The following NGF variants were observed in gnomAD, a reference collection of about 807,000 sequenced individuals.
The protein encoded by NGF is nerve growth factor.
In NGF, 4 loss-of-function variants were observed where a neutral mutation model predicts 12.8. The ratio of observed to expected loss-of-function variants is 0.31; its 90% CI spans 0.15 to 0.72. The LOEUF is 0.72. NGF is among the 30% of genes least tolerant of loss of function. The probability of loss-of-function intolerance (pLI) is 0.69; values close to 1 mark genes in which losing one functional copy is unlikely to be tolerated. For missense variants in NGF, 283 were observed against 330.8 expected (o/e 0.86, Z 1.12); for synonymous variants, 140 against 130.0 (o/e 1.08, Z -0.52).
At chr1:115,334,055 A>G (rs563785536) in intron 1 of NGF, among the ~76,000 whole-genome samples, 6 of 152,296 alleles carry the variant, frequency 3.9e-5, no homozygotes, top group Admixed American at 2.6e-4. Flanking sequence ...CTTGAAGCAG[A>G]GGTGAGAATA....
At chr1:115,303,004 C>T (rs1654088414) in intron 1 of NGF, among the ~76,000 whole-genome samples, 1 of 152,128 alleles carries the variant, frequency 6.6e-6, no homozygotes, top group Non-Finnish European at 1.5e-5. Flanking sequence ...TTTCCACAGA[C>T]CTGATTCCTG....
At chr1:115,301,925 GAGAATAC>G (rs1183003734) in intron 1 of NGF, among the ~76,000 whole-genome samples, 1 of 152,176 alleles carries the variant, frequency 6.6e-6, no homozygotes, top group East Asian at 1.9e-4. Flanking sequence ...GAATCACAAG[GAGAATAC>G]AACATGGATG....
Position 115,286,616 on chromosome 1 carries a change from A to G in NGF, c.180T>C (p.Ala60=), listed in dbSNP as rs779189568. 1 of 1,614,206 alleles carries G rather than the reference A, an allele frequency of 6.2e-7. No individual in the cohort carries two copies. Among genetic ancestry groups the G allele is most frequent in the East Asian group, 2.2e-5 (1 of 44,868 alleles). Residue 60 remains alanine, a synonymous_variant, in exon 3 of 3, where the codon GCT becomes GCC. Coordinates refer to ENST00000369512, the MANE Select transcript of NGF (RefSeq NM_002506.3). The stretch of plus-strand genomic sequence containing the variant: ...TGCGGGTCTGCCCCGCCACGCGTGC[A>G]GCTATCGCCGCTGCCGGGGCGCTGC... ...RARSAPAAAI[A]ARVAGQTRNI... is the part of the protein sequence containing the mutation.
chr1:115,286,181 G>A lies in NGF; in HGVS notation c.615C>T (p.His205=). 1 of 1,614,150 alleles carries A rather than the reference G, an allele frequency of 6.2e-7. No homozygotes were observed. ...KHWNSYCTTT[H]TFVKALTMDG... Reference sequence around the variant, plus strand: ...CCATGGTCAGCGCCTTGACAAAGGTGTGAGTCGTGGTACAATATGAGTTCC... The same window carrying A: ...CCATGGTCAGCGCCTTGACAAAGGTATGAGTCGTGGTACAATATGAGTTCC... Residue 205 remains histidine (H), a synonymous_variant, in exon 3 of 3, where the codon CAC becomes CAT. Coordinates refer to ENST00000369512, the MANE Select transcript of NGF (RefSeq NM_002506.3).
At chr1:115,297,394 T>C (rs562659153) in intron 1 of NGF, among the ~76,000 whole-genome samples, 65 of 152,272 alleles carry the variant, frequency 4.3e-4, no homozygotes, top group African/African-American at 1.5e-3. Context: ...GCCAAAGTTA[T>C]GTTGTGGGCT....
rs1364127314 is a variant in NGF, at chr1:115,337,256, G to GTTTTTT, written c.-137+947_-137+948insAAAAAA. Reference sequence around the variant, plus strand: ...CCTTAAGAATCTCGAAATTTTTTTTGTTTTGTTTTTGTTTTTTTTTTTTTT... The same window carrying GTTTTTT: ...CCTTAAGAATCTCGAAATTTTTTTTGTTTTTTTTTTGTTTTTGTTTTTTTTTTTTTT... On this transcript the variant is annotated intron_variant, in intron 1 of 2. Transcript: ENST00000369512. Among the ~76,000 whole-genome samples, 10 of 27,200 alleles carry GTTTTTT rather than the reference G, an allele frequency of 3.7e-4. 1 individual carries two copies. Among genetic ancestry groups the GTTTTTT allele is most frequent in the African/African-American group, 1.7e-3 (10 of 5,986 alleles). 17.8% of individuals were successfully genotyped at this position (27,200 alleles called of 152,430 possible). A position where few individuals can be genotyped will look rare whatever the true frequency, so the allele number is the denominator to read the frequency against.
intron 1 of NGF, among the ~76,000 whole-genome samples, chr1:115,322,232 G>A (rs1171765081): frequency 2.6e-5 from 4 of 152,140 alleles, no homozygotes; most frequent in South Asian, 2.1e-4. Context: ...AAGTCTGGGC[G>A]CCTTGCTCTT....
intron 1 of NGF, among the ~76,000 whole-genome samples, chr1:115,314,469 C>G (rs1008698379): frequency 6.6e-6 from 1 of 152,184 alleles, no homozygotes; most frequent in Non-Finnish European, 1.5e-5. Flanking sequence ...GGGCACGCTT[C>G]TTGTAGATGA....
At chr1:115,289,318 T>C (rs1653613402) in intron 2 of NGF, among the ~76,000 whole-genome samples, 1 of 152,208 alleles carries the variant, frequency 6.6e-6, no homozygotes, top group Admixed American at 6.5e-5. Context: ...TCCAAATTAG[T>C]AACACTTGCT....
intron 2 of NGF, among the ~76,000 whole-genome samples, chr1:115,288,308 C>G (rs1195150528): frequency 6.6e-6 from 1 of 152,180 alleles, no homozygotes; most frequent in East Asian, 1.9e-4. Context: ...GATTCCTACT[C>G]CACTACTTGT....
chr1:115,306,469 GT>G (rs1654208466), intron 1 of NGF, among the ~76,000 whole-genome samples: 1 of 152,162 alleles, frequency 6.6e-6, no homozygotes, highest in Non-Finnish European at 1.5e-5. Flanking sequence ...TTGTTTGTTT[GT>G]TTTAGGCAAG....
At chr1:115,290,597 T>C (rs569059944) in intron 2 of NGF, among the ~76,000 whole-genome samples, 2 of 152,086 alleles carry the variant, frequency 1.3e-5, no homozygotes, top group South Asian at 4.2e-4. Flanking sequence ...GGTTTCACCA[T>C]GTTGGCCAGG....
intron 1 of NGF, among the ~76,000 whole-genome samples, chr1:115,331,511 T>G (rs1442538104): frequency 6.6e-6 from 1 of 152,228 alleles, no homozygotes; most frequent in Non-Finnish European, 1.5e-5. Context: ...TTAATTCACA[T>G]AAGAAGATTA....
At position 115,337,258 on chromosome 1, in the gene NGF, TTTGTTTTTG is replaced by T. The variant is rs1221821632; in HGVS notation, c.-137+937_-137+945del. 6.8e-4 allele frequency among the ~76,000 whole-genome samples: 59 copies of T among 86,212 alleles called. 2 individuals carry two copies. Among genetic ancestry groups the T allele is most frequent in the African/African-American group, 2.9e-3 (52 of 17,820 alleles). 56.6% of individuals were successfully genotyped at this position (86,212 alleles called of 152,430 possible). ...TTAAGAATCTCGAAATTTTTTTTGTTTTGTTTTTGTTTTTTTTTTTTTTTTTTTTTTTTT... is the reference window on the plus strand; with the variant it reads ...TTAAGAATCTCGAAATTTTTTTTGTTTTTTTTTTTTTTTTTTTTTTTTTTT... On this transcript the variant is annotated intron_variant, in intron 1 of 2. Coordinates refer to ENST00000369512, the MANE Select transcript of NGF (RefSeq NM_002506.3).
At chr1:115,307,746 AC>A (rs1557941016) in intron 1 of NGF, among the ~76,000 whole-genome samples, 3 of 152,238 alleles carry the variant, frequency 2.0e-5, no homozygotes, top group Admixed American at 6.5e-5. Flanking sequence ...ATAAGCTCAA[AC>A]CCAGTGATAA....
chr1:115,325,687 C>G (rs780941793), intron 1 of NGF, among the ~76,000 whole-genome samples: 1 of 152,092 alleles, frequency 6.6e-6, no homozygotes, highest in Non-Finnish European at 1.5e-5. Context: ...AAAACAACAG[C>G]AGAGGCAGGA....
chr1:115,329,803 G>A lies in NGF; in HGVS notation c.-137+8401C>T, dbSNP rs149782593. On this transcript the variant is annotated intron_variant, in intron 1 of 2. Coordinates refer to ENST00000369512, the MANE Select transcript of NGF (RefSeq NM_002506.3). ...TCACTTATCTTGCCCAGGCTAGAGT[G>A]CAGTGGCATGATCATGGCTCACTGC... 9.9e-3 allele frequency among the ~76,000 whole-genome samples: 1,384 copies of A among 139,316 alleles called. 24 individuals are homozygous for A. Among genetic ancestry groups the A allele is most frequent in the African/African-American group, 0.035 (1,281 of 36,494 alleles). 91.4% of individuals were successfully genotyped at this position (139,316 alleles called of 152,430 possible).
chr1:115,320,260 C>T (rs1027209502), intron 1 of NGF, among the ~76,000 whole-genome samples: 4 of 152,164 alleles, frequency 2.6e-5, no homozygotes, highest in Non-Finnish European at 5.9e-5. Flanking sequence ...ATCCTATATA[C>T]ACTATGTTTT....
chr1:115,333,037 G>T (rs1190380729), intron 1 of NGF, among the ~76,000 whole-genome samples: 1 of 152,154 alleles, frequency 6.6e-6, no homozygotes, highest in African/African-American at 2.4e-5. Flanking sequence ...TACTAATGAG[G>T]GTTGTAATCC....
Sources: gnomAD v4.1 joint callset for allele counts (sites outside exome capture counted in the v4.1 genomes callset) on GRCh38, gnomAD v4.1.1 for gene constraint, MANE v1.5 for transcripts, NCBI Gene and HGNC (gene_info 2026-07-23, HGNC 2026-07-21) for gene names.